Variants in KCTD8 observed in about 807,000 individuals in gnomAD.
The protein encoded by KCTD8 is BTB/POZ domain-containing protein KCTD8.
Under a neutral mutation model 31.5 loss-of-function variants are expected in KCTD8, and 27 were observed. That is an observed-to-expected ratio of 0.86 (90% CI 0.63 to 1.18). KCTD8 has a LOEUF of 1.18. KCTD8 is among the 50% of genes most tolerant of loss of function. The pLI is 0.00. For missense variants in KCTD8, 658 were observed against 647.7 expected (o/e 1.02, Z -0.17); for synonymous variants, 290 against 280.0 (o/e 1.04, Z -0.36).
intron 1 of KCTD8, among the ~76,000 whole-genome samples, chr4:44,335,879 G>C (rs1179949353): frequency 6.6e-6 from 1 of 151,888 alleles, no homozygotes; most frequent in African/African-American, 2.4e-5. Flanking sequence ...GGCCGGGCGC[G>C]GTGGCTCACG....
At chr4:44,299,005 A>G (rs1360069042) in intron 1 of KCTD8, among the ~76,000 whole-genome samples, 1 of 152,220 alleles carries the variant, frequency 6.6e-6, no homozygotes, top group Non-Finnish European at 1.5e-5. Flanking sequence ...TAATTTACTT[A>G]TTATTACAAG....
intron 1 of KCTD8, among the ~76,000 whole-genome samples, chr4:44,244,021 A>G (rs1715579452): frequency 6.6e-6 from 1 of 152,156 alleles, no homozygotes; most frequent in Non-Finnish European, 1.5e-5. Context: ...CATCCTGACT[A>G]TTCTCAGGTA....
At position 44,448,208 on chromosome 4, in the gene KCTD8, A is replaced by G. The variant is rs754671545; in HGVS notation, c.316T>C (p.Phe106Leu). The change falls in exon 1 of 2, where the codon TTC becomes CTC. Residue 106 changes from phenylalanine to leucine, a missense_variant. Phe to Leu is a conservative substitution (Grantham distance 22). Transcript: ENST00000360029. The surrounding 1 kb of genome is among the most constrained non-coding windows in gnomAD (Gnocchi z 4.1). Reference protein sequence around the residue: ...RFFIDRDGFLFRYVLDYLRDK... With the variant: ...RFFIDRDGFLLRYVLDYLRDK... ...CGCAGATAATCCAGCACGTACCTGA[A>G]AAGGAAGCCGTCCCGGTCGATGAAG... 6.2e-7 allele frequency: 1 copy of G among 1,612,222 alleles called. No individual in the cohort carries two copies. Among genetic ancestry groups the G allele is most frequent in the Non-Finnish European group, 8.5e-7 (1 of 1,179,642 alleles).
At chr4:44,231,987 G>A (rs977095831) in intron 1 of KCTD8, among the ~76,000 whole-genome samples, 2 of 152,088 alleles carry the variant, frequency 1.3e-5, no homozygotes, top group Non-Finnish European at 2.9e-5. Context: ...CTTGAAATTA[G>A]ATACTATTGT....
intron 1 of KCTD8, among the ~76,000 whole-genome samples, chr4:44,442,817 T>C (rs1421011482): frequency 6.7e-6 from 1 of 148,326 alleles, no homozygotes; most frequent in Non-Finnish European, 1.5e-5. Context: ...AGTCCTAGCA[T>C]CCTAAGCTAC....
At chr4:44,199,035 C>A (rs928302604) in intron 1 of KCTD8, among the ~76,000 whole-genome samples, 2 of 151,904 alleles carry the variant, frequency 1.3e-5, no homozygotes, top group South Asian at 2.1e-4. Context: ...AAATCAACAA[C>A]AATCATGAGG....
At position 44,261,813 on chromosome 4, in the gene KCTD8, G is replaced by T. The variant is rs566288291; in HGVS notation, c.962-86563C>A. 3.9e-5 allele frequency among the ~76,000 whole-genome samples: 6 copies of T among 152,060 alleles called. No individual in the cohort carries two copies. The South Asian group carries it at 1.2e-3, about 32-fold the overall frequency. ...ATTTCATTATAAGAAAATAGGAATT[G>T]TATATGACAGTGAATGTGTTAATTG... On this transcript the variant is annotated intron_variant, in intron 1 of 1. Coordinates refer to ENST00000360029, the MANE Select transcript of KCTD8 (RefSeq NM_198353.3).
At chr4:44,196,130 A>C (rs1161895971) in intron 1 of KCTD8, among the ~76,000 whole-genome samples, 1 of 152,234 alleles carries the variant, frequency 6.6e-6, no homozygotes, top group African/African-American at 2.4e-5. Context: ...AAAGAAAGCA[A>C]TTACATTCTA....
intron 1 of KCTD8, among the ~76,000 whole-genome samples, chr4:44,316,795 GAA>G (rs71188270): frequency 0.14 from 5,438 of 39,058 alleles, 92 homozygotes; most frequent in Non-Finnish European, 0.21. Context: ...CTAAAAATAC[GAA>G]AAAAAAAAAA....
chr4:44,274,310 T>C (rs1211572281), intron 1 of KCTD8, among the ~76,000 whole-genome samples: 3 of 151,928 alleles, frequency 2.0e-5, no homozygotes, highest in Non-Finnish European at 2.9e-5. Context: ...CTCAATCATT[T>C]CTGTTTAAAG....
chr4:44,379,093 A>C (rs1577645129), intron 1 of KCTD8, among the ~76,000 whole-genome samples: 1 of 152,202 alleles, frequency 6.6e-6, no homozygotes, highest in East Asian at 1.9e-4. Context: ...CCACACAGAT[A>C]ATCCAGGATA....
At chr4:44,329,132 G>A (rs1398674514) in intron 1 of KCTD8, among the ~76,000 whole-genome samples, 1 of 151,246 alleles carries the variant, frequency 6.6e-6, no homozygotes, top group Non-Finnish European at 1.5e-5. Context: ...AGAGTTAACG[G>A]GTTTCAATAC....
intron 1 of KCTD8, among the ~76,000 whole-genome samples, chr4:44,252,332 T>G (rs1203681232): frequency 6.6e-6 from 1 of 151,736 alleles, no homozygotes; most frequent in Non-Finnish European, 1.5e-5. Context: ...TGTGTGTAAG[T>G]ATATTTTTTC....
At chr4:44,216,888 A>C (rs2109346064) in intron 1 of KCTD8, among the ~76,000 whole-genome samples, 1 of 152,178 alleles carries the variant, frequency 6.6e-6, no homozygotes, top group East Asian at 1.9e-4. Context: ...ACACTTCAAA[A>C]GTTAATTTTT....
chr4:44,331,507 G>A (rs76312792), intron 1 of KCTD8, among the ~76,000 whole-genome samples: 7,986 of 151,668 alleles, frequency 0.053, 294 homozygotes, highest in Non-Finnish European at 0.077. Context: ...TAGATAGGTT[G>A]TTAACAAGAA....
At chr4:44,186,816 G>A (rs760021256) in intron 1 of KCTD8, among the ~76,000 whole-genome samples, 22 of 152,212 alleles carry the variant, frequency 1.4e-4, no homozygotes, top group Non-Finnish European at 2.9e-4. Flanking sequence ...CACATGGCTA[G>A]GCTCATAAGA....
intron 1 of KCTD8, among the ~76,000 whole-genome samples, chr4:44,176,433 T>C (rs13118744): frequency 0.051 from 7,796 of 152,298 alleles, 269 homozygotes; most frequent in Non-Finnish European, 0.078. Flanking sequence ...AAGATTTCAA[T>C]GTGCATCCAA....
intron 1 of KCTD8, among the ~76,000 whole-genome samples, chr4:44,309,898 C>T (rs1717902621): frequency 6.6e-6 from 1 of 151,990 alleles, no homozygotes; most frequent in African/African-American, 2.4e-5. Flanking sequence ...TTGTAAAATA[C>T]TAAAATTATT....
chr4:44,384,155 A>C (rs1466002308), intron 1 of KCTD8, among the ~76,000 whole-genome samples: 1 of 151,922 alleles, frequency 6.6e-6, no homozygotes, highest in Non-Finnish European at 1.5e-5. Flanking sequence ...AAAAAAACAA[A>C]AAAAAATAAC....
Sources: gnomAD v4.1 joint callset for allele counts (sites outside exome capture counted in the v4.1 genomes callset) on GRCh38, gnomAD v4.1.1 for gene constraint, Gnocchi (gnomAD v3.1) non-coding constraint, MANE v1.5 for transcripts, NCBI Gene and HGNC (gene_info 2026-07-23, HGNC 2026-07-21) for gene names.